The following NMBR variants were observed in gnomAD, a reference collection of about 807,000 sequenced individuals.
NMBR encodes neuromedin B receptor, also known as neuromedin-B receptor.
NMBR carries 16 observed loss-of-function variants against 20.5 expected under a neutral mutation model. That is an observed-to-expected ratio of 0.78 (90% CI 0.53 to 1.19). The LOEUF is 1.19. Ranked by LOEUF, NMBR falls within the 50% of genes most tolerant of loss-of-function variation. The pLI is 0.00. For missense variants in NMBR, 582 were observed against 499.1 expected (o/e 1.17, Z -1.58); for synonymous variants, 212 against 196.6 (o/e 1.08, Z -0.65).
Position 142,075,850 on chromosome 6 carries a change from A to G in NMBR, c.971T>C (p.Leu324Pro), listed in dbSNP as rs1776929846. Residue 324 changes from leucine (L) to proline (P), a missense_variant, in exon 4 of 4, where the codon CTT becomes CCT. Coordinates refer to ENST00000258042, the MANE Select transcript of NMBR (RefSeq NM_002511.4). Reference protein sequence around the residue: ...FGNSCVNPFALYLLSESFRRH... With the variant: ...FGNSCVNPFAPYLLSESFRRH... ...CCTGAAGCTTTCACTGAGTAGGTAA[A>G]GAGCAAATGGGTTGACACAAGAATT... 1 of 1,613,992 alleles carries G rather than the reference A, an allele frequency of 6.2e-7. No individual in the cohort carries two copies. Among genetic ancestry groups the G allele is most frequent in the African/African-American group, 1.3e-5 (1 of 74,922 alleles).
At chr6:142,145,590 A>AGG (rs1778418055) in intron 1 of NMBR, among the ~76,000 whole-genome samples, 1 of 152,134 alleles carries the variant, frequency 6.6e-6, no homozygotes, top group Non-Finnish European at 1.5e-5. Flanking sequence ...TGCTCAGCAA[A>AGG]TGCTGCTAGC....
intron 3 of NMBR, among the ~76,000 whole-genome samples, chr6:142,077,862 T>C (rs1013666995): frequency 2.0e-5 from 3 of 152,246 alleles, no homozygotes; most frequent in Admixed American, 2.0e-4. Context: ...ACACTATTTC[T>C]CTTTGTGTAT....
rs147740234 is a variant in NMBR, at chr6:142,127,521, T to C, written c.-664+19523A>G. ...TAGGATTGTTTTTTCTATTTCTGTATAGAATGCAGAATTGAGGTTTCAGTA... is the reference window on the plus strand; with the variant it reads ...TAGGATTGTTTTTTCTATTTCTGTACAGAATGCAGAATTGAGGTTTCAGTA... On this transcript the variant is annotated intron_variant, in intron 1 of 3. Coordinates refer to ENST00000258042, the MANE Select transcript of NMBR (RefSeq NM_002511.4). Among the ~76,000 whole-genome samples, 94 of 152,146 alleles carry C rather than the reference T, an allele frequency of 6.2e-4. 1 individual carries two copies. The highest frequency in any genetic ancestry group is 2.1e-3 in the African/African-American group (87 of 41,552).
intron 1 of NMBR, among the ~76,000 whole-genome samples, chr6:142,101,428 T>A (rs1777562199): frequency 6.6e-6 from 1 of 152,180 alleles, no homozygotes; most frequent in Non-Finnish European, 1.5e-5. Context: ...ATGATAAATG[T>A]ACTTATTTGG....
chr6:142,083,612 T>C (rs1165753930), intron 2 of NMBR, among the ~76,000 whole-genome samples: 1 of 152,150 alleles, frequency 6.6e-6, no homozygotes, highest in Non-Finnish European at 1.5e-5. Flanking sequence ...AAATTTCCCC[T>C]TCCTGTTCTC....
intron 1 of NMBR, among the ~76,000 whole-genome samples, chr6:142,138,046 A>C (rs1012671178): frequency 2.6e-5 from 4 of 152,118 alleles, no homozygotes; most frequent in Admixed American, 2.6e-4. Context: ...TCAAAAGGGA[A>C]CACTGTGTTT....
chr6:142,129,049 T>C (rs1778092525), intron 1 of NMBR, among the ~76,000 whole-genome samples: 1 of 151,228 alleles, frequency 6.6e-6, no homozygotes, highest in South Asian at 2.1e-4. Context: ...TCATGCATAA[T>C]GCTTTAACTC....
chr6:142,123,024 G>T (rs1777972023), intron 1 of NMBR, among the ~76,000 whole-genome samples: 1 of 151,892 alleles, frequency 6.6e-6, no homozygotes, highest in Non-Finnish European at 1.5e-5. Flanking sequence ...ATTTCATAAA[G>T]CTACAGATAG....
chr6:142,141,696 G>T (rs563608232), intron 1 of NMBR, among the ~76,000 whole-genome samples: 2 of 152,166 alleles, frequency 1.3e-5, no homozygotes, highest in South Asian at 4.2e-4. Flanking sequence ...AGTAGAGATG[G>T]GGTTTCACCA....
At chr6:142,110,988 C>A (rs999387433) in intron 1 of NMBR, among the ~76,000 whole-genome samples, 15 of 152,094 alleles carry the variant, frequency 9.9e-5, no homozygotes, top group Non-Finnish European at 2.2e-4. Flanking sequence ...ACCTGTAATG[C>A]CAGCACTTTA....
At chr6:142,108,556 C>A (rs190625017) in intron 1 of NMBR, among the ~76,000 whole-genome samples, 52 of 152,170 alleles carry the variant, frequency 3.4e-4, no homozygotes, top group Non-Finnish European at 6.6e-4. Flanking sequence ...AAGTGCCGAG[C>A]AAAGGAGGAA....
intron 1 of NMBR, among the ~76,000 whole-genome samples, chr6:142,093,788 A>G (rs897678746): frequency 6.6e-5 from 10 of 151,988 alleles, no homozygotes; most frequent in Non-Finnish European, 1.5e-4. Flanking sequence ...AAGCATTCCT[A>G]TTTTTCCACA....
In NMBR at chr6:142,075,071, C is replaced by T. The variant is rs62430455; in HGVS notation, c.*577G>A. ...TTTCTTATTTTCTTAAAATGAAGGA[C>T]GTGTGTGTGTGTACATATATACATA... is the stretch of plus-strand genomic sequence containing the variant. On this transcript the variant is annotated 3_prime_UTR_variant, in exon 4 of 4. Coordinates refer to ENST00000258042, the MANE Select transcript of NMBR (RefSeq NM_002511.4). 0.19 allele frequency among the ~76,000 whole-genome samples: 28,529 copies of T among 147,378 alleles called. 3,371 individuals carry two copies. The highest frequency in any genetic ancestry group is 0.27 in the Non-Finnish European group (17,996 of 67,208).
chr6:142,075,930 A>G lies in NMBR; in HGVS notation c.891T>C (p.Asp297=). Residue 297 remains aspartate, a synonymous_variant, in exon 4 of 4, where the codon GAT becomes GAC. Coordinates refer to ENST00000258042, the MANE Select transcript of NMBR (RefSeq NM_002511.4). ...TGACAATCATGTGGCCTAGAGATGG[A>G]TCAATCTCATTATAGTTGAAAGACC... The part of the protein sequence containing the change: ...MYRSFNYNEI[D]PSLGHMIVTL... 6.2e-7 allele frequency: 1 copy of G among 1,614,072 alleles called. No individual in the cohort carries two copies. Among genetic ancestry groups the G allele is most frequent in the Non-Finnish European group, 8.5e-7 (1 of 1,179,952 alleles).
Position 142,078,724 on chromosome 6 carries a change from T to A in NMBR, c.602A>T (p.Tyr201Phe), listed in dbSNP as rs1777008234. Reference sequence around the variant, plus strand: ...TGGATGTAATTCATCTGTTTGAGGGTATGGGATACATGCTGTGAAGCTGCT... The same window carrying A: ...TGGATGTAATTCATCTGTTTGAGGGAATGGGATACATGCTGTGAAGCTGCT... ...DNSSFTACIP[Y>F]PQTDELHPKI... The change falls in exon 3 of 4, where the codon TAC becomes TTC. Residue 201 changes from tyrosine to phenylalanine, a missense_variant. Transcript: ENST00000258042. The A allele has an allele frequency of 6.2e-7, 1 of 1,613,738 alleles. No individual in the cohort carries two copies. The highest frequency in any genetic ancestry group is 1.3e-5 in the African/African-American group (1 of 74,800).
intron 1 of NMBR, among the ~76,000 whole-genome samples, chr6:142,100,280 T>C (rs1777535431): frequency 6.7e-6 from 1 of 148,236 alleles, no homozygotes; most frequent in Non-Finnish European, 1.5e-5. Context: ...AACAGCTTTA[T>C]TCATAATTGC....
intron 2 of NMBR, among the ~76,000 whole-genome samples, chr6:142,079,108 A>AAGAGAGAGAGAGAAAGAGAGAGAG (rs754275458): frequency 1.9e-4 from 21 of 112,246 alleles, no homozygotes; most frequent in Admixed American, 4.9e-4. Flanking sequence ...GAGAGAGAGA[A>AAGAGAGAGAGAGAAAGAGAGAGAG]AGAAAGAAAG....
At chr6:142,081,424 G>C (rs1777093198) in intron 2 of NMBR, among the ~76,000 whole-genome samples, 1 of 152,160 alleles carries the variant, frequency 6.6e-6, no homozygotes, top group Non-Finnish European at 1.5e-5. Flanking sequence ...GAGAAAGCAA[G>C]AAACCTAGCA....
intron 1 of NMBR, among the ~76,000 whole-genome samples, chr6:142,135,630 T>A (rs529031251): frequency 6.7e-6 from 1 of 148,988 alleles, no homozygotes; most frequent in Non-Finnish European, 1.5e-5. Flanking sequence ...TATCTCCTAA[T>A]GCTATCCCTC....
Sources: allele counts gnomAD v4.1 joint callset (sites outside exome capture counted in the v4.1 genomes callset), GRCh38; gene constraint gnomAD v4.1.1; transcripts MANE v1.5; gene names NCBI Gene and HGNC (gene_info 2026-07-23, HGNC 2026-07-21).